Variants in GABRG3 observed in about 807,000 individuals in gnomAD.
GABRG3 encodes the protein gamma-aminobutyric acid receptor subunit gamma-3.
GABRG3 carries 25 observed loss-of-function variants against 48.8 expected under a neutral mutation model. The ratio of observed to expected loss-of-function variants is 0.51; its 90% CI spans 0.37 to 0.72. The LOEUF (loss-of-function observed/expected upper bound fraction) is 0.72, where lower values mean the gene tolerates loss of function less well. Ranked by LOEUF, GABRG3 falls within the 30% of genes least tolerant of loss-of-function variation. The probability of loss-of-function intolerance (pLI) is 0.00; values close to 1 mark genes in which losing one functional copy is unlikely to be tolerated. For missense variants in GABRG3, 394 were observed against 577.9 expected (o/e 0.68, Z 3.26); for synonymous variants, 227 against 217.6 (o/e 1.04, Z -0.38).
At chr15:27,091,820 G>T (rs920538793) in intron 3 of GABRG3, among the ~76,000 whole-genome samples, 1 of 152,208 alleles carries the variant, frequency 6.6e-6, no homozygotes, top group Non-Finnish European at 1.5e-5. Flanking sequence ...CAAGATGGCT[G>T]CTGTACTGCA....
Position 27,528,011 on chromosome 15 carries a change from G to T in GABRG3, c.1122+19G>T, listed in dbSNP as rs1201886383. 1.3e-6 allele frequency: 2 copies of T among 1,568,092 alleles called. No homozygotes were observed. Among genetic ancestry groups the T allele is most frequent in the Admixed American group, 3.6e-5 (2 of 55,872 alleles). ...CCCTTCCGTACGTATAGCATTGCAG[G>T]TGCCAATATTTCTGAGAACTTTCAC... is the stretch of plus-strand genomic sequence containing the variant. On this transcript the variant is annotated intron_variant, in intron 9 of 9. Coordinates refer to ENST00000615808, the MANE Select transcript of GABRG3 (RefSeq NM_033223.5).
intron 5 of GABRG3, among the ~76,000 whole-genome samples, chr15:27,331,851 C>A (rs1893813407): frequency 6.6e-6 from 1 of 151,870 alleles, no homozygotes; most frequent in Admixed American, 6.6e-5. Flanking sequence ...AAACCTGCTT[C>A]TTTTTTAAAA....
intron 3 of GABRG3, among the ~76,000 whole-genome samples, chr15:27,279,730 A>AT (rs1327262106): frequency 1.3e-5 from 2 of 152,138 alleles, no homozygotes; most frequent in Admixed American, 6.5e-5. Context: ...TCTTTAAAAA[A>AT]TTTTTTTAGC....
intron 2 of GABRG3, among the ~76,000 whole-genome samples, chr15:27,013,597 A>G (rs936082857): frequency 6.6e-6 from 1 of 152,060 alleles, no homozygotes; most frequent in Non-Finnish European, 1.5e-5. Context: ...TGGAGATACA[A>G]TTGTCCCTGC....
Position 27,468,906 on chromosome 15 carries a change from T to G in GABRG3, c.575-11744T>G, listed in dbSNP as rs578247469. ...AAATTGTGAACAATGAAAAAGAAAT[T>G]TGTGCTAGTATTGCTGTTGCACCTC... On this transcript the variant is annotated intron_variant, in intron 5 of 9. Transcript: ENST00000615808. Among the ~76,000 whole-genome samples the G allele has an allele frequency of 3.3e-5, 5 of 152,352 alleles. No homozygotes were observed. The East Asian group carries it at 9.6e-4, about 29-fold the overall frequency.
intron 3 of GABRG3, among the ~76,000 whole-genome samples, chr15:27,072,535 G>T (rs1349345608): frequency 2.0e-5 from 3 of 152,172 alleles, no homozygotes; most frequent in Non-Finnish European, 4.4e-5. Flanking sequence ...TATGCTAATT[G>T]TTGTGACAGA....
At chr15:27,400,700 T>C (rs964581031) in intron 5 of GABRG3, among the ~76,000 whole-genome samples, 5 of 152,222 alleles carry the variant, frequency 3.3e-5, no homozygotes, top group African/African-American at 1.2e-4. Context: ...TAGTTATACG[T>C]GAGTGTTCCT....
chr15:27,091,660 T>G (rs1481871423), intron 3 of GABRG3, among the ~76,000 whole-genome samples: 2 of 152,196 alleles, frequency 1.3e-5, no homozygotes, highest in African/African-American at 4.8e-5. Flanking sequence ...TCTGTTCGGA[T>G]TTTCCATTTT....
At chr15:26,986,714 G>A (rs1895157545) in intron 2 of GABRG3, among the ~76,000 whole-genome samples, 1 of 152,136 alleles carries the variant, frequency 6.6e-6, no homozygotes, top group African/African-American at 2.4e-5. Flanking sequence ...AATAACTCAG[G>A]TGACATGTCC....
At chr15:27,482,063 T>C (rs12442345) in intron 6 of GABRG3, among the ~76,000 whole-genome samples, 54,169 of 152,002 alleles carry the variant, frequency 0.36, 10,534 homozygotes, top group East Asian at 0.45. Context: ...ACTCAGGGGA[T>C]TTTGAAACTG....
chr15:27,270,210 G>T (rs1595626289), intron 3 of GABRG3, among the ~76,000 whole-genome samples: 1 of 152,194 alleles, frequency 6.6e-6, no homozygotes, highest in South Asian at 2.1e-4. Context: ...TATGAATGAT[G>T]TGTGTTTGGG....
intron 3 of GABRG3, among the ~76,000 whole-genome samples, chr15:27,066,741 T>C (rs965858283): frequency 2.0e-5 from 3 of 152,184 alleles, no homozygotes; most frequent in Admixed American, 2.0e-4. Flanking sequence ...CATTCTGTTC[T>C]ATCTTGAAAA....
chr15:26,983,959 T>A (rs1895102584), intron 2 of GABRG3, among the ~76,000 whole-genome samples: 1 of 152,024 alleles, frequency 6.6e-6, no homozygotes, highest in Non-Finnish European at 1.5e-5. Flanking sequence ...TCCTGGCCCG[T>A]TTTTCCCCCG....
At chr15:27,342,658 CAG>C (rs1894224770) in intron 5 of GABRG3, among the ~76,000 whole-genome samples, 1 of 152,220 alleles carries the variant, frequency 6.6e-6, no homozygotes, top group South Asian at 2.1e-4. Flanking sequence ...CATTCTTCAT[CAG>C]AGTATTGTGG....
chr15:27,231,139 A>G (rs1403311657), intron 3 of GABRG3, among the ~76,000 whole-genome samples: 2 of 152,078 alleles, frequency 1.3e-5, no homozygotes, highest in African/African-American at 4.8e-5. Flanking sequence ...CCATATCTCA[A>G]ACCTACGTTT....
At chr15:27,058,571 G>A (rs73369624) in intron 3 of GABRG3, among the ~76,000 whole-genome samples, 1,844 of 152,014 alleles carry the variant, frequency 0.012, 35 homozygotes, top group African/African-American at 0.042. Flanking sequence ...CCAACTGTCC[G>A]GCTACATGTC....
intron 3 of GABRG3, among the ~76,000 whole-genome samples, chr15:27,069,420 T>C (rs1331504417): frequency 6.6e-6 from 1 of 152,186 alleles, no homozygotes; most frequent in Non-Finnish European, 1.5e-5. Flanking sequence ...ATGAGTTACA[T>C]GAAAAAGTTC....
In GABRG3 at chr15:27,532,638, G is replaced by A. The variant is rs372908536; in HGVS notation, c.1161G>A (p.Ala387=). The A allele has an allele frequency of 3.0e-5, 49 of 1,613,938 alleles. No individual in the cohort carries two copies. The highest frequency in any genetic ancestry group is 1.9e-4 in the South Asian group (17 of 91,058). Residue 387 remains alanine, a synonymous_variant, in exon 10 of 10, where the codon GCG becomes GCA. Coordinates refer to ENST00000615808, the MANE Select transcript of GABRG3 (RefSeq NM_033223.5). ...SLLDMRPPPT[A]MITLNNSVYW... ...TGGACATGAGGCCACCACCAACTGC[G>A]ATGATCACTTTAAACAATTCCGTTT...
At chr15:27,240,744 T>C (rs1344164793) in intron 3 of GABRG3, among the ~76,000 whole-genome samples, 1 of 152,162 alleles carries the variant, frequency 6.6e-6, no homozygotes, top group Non-Finnish European at 1.5e-5. Context: ...TTAGATCTGA[T>C]CAATAACTTT....
Sources: allele counts gnomAD v4.1 joint callset (sites outside exome capture counted in the v4.1 genomes callset), GRCh38; gene constraint gnomAD v4.1.1; transcripts MANE v1.5; gene names NCBI Gene and HGNC (gene_info 2026-07-23, HGNC 2026-07-21).